The following CCDC198 variants were observed in gnomAD, a reference collection of about 807,000 sequenced individuals.
CCDC198 encodes the protein factor associated with metabolism and energy.
In CCDC198, 18 loss-of-function variants were observed where a neutral mutation model predicts 35.6. That is an observed-to-expected ratio of 0.51 (90% CI 0.35 to 0.75). The LOEUF is 0.75. CCDC198 is among the 30% of genes least tolerant of loss of function. The pLI is 0.01. For synonymous variants in CCDC198, 119 were observed against 113.4 expected (o/e 1.05, Z -0.31); for missense variants, 365 against 343.7 (o/e 1.06, Z -0.49).
rs1470720347 is a variant in CCDC198 at position 57,478,876 on chromosome 14, C to T, written c.655+1719G>A. 33 of 1,151,486 alleles carry T rather than the reference C, an allele frequency of 2.9e-5. No homozygotes were observed. In the Admixed American group the frequency reaches 2.9e-4, roughly 10 times the overall value. 71.3% of individuals were successfully genotyped at this position (1,151,486 alleles called of 1,614,324 possible). On this transcript the variant is annotated intron_variant, in intron 5 of 5. Coordinates refer to ENST00000216445, the MANE Select transcript of CCDC198 (RefSeq NM_018168.4). ...GTGTCTCTTTCAGCAGGCAATTTTG[C>T]GTCTTAGAAGTTCAAGACCTCCAGA...
intron 1 of CCDC198, 34 bp downstream of exon 1, chr14:57,493,459 G>A (rs747749824): frequency 5.1e-5 from 79 of 1,545,118 alleles, no homozygotes; most frequent in Non-Finnish European, 6.8e-5. Flanking sequence ...CCTTGGTCCA[G>A]ATACACACAT....
intron 5 of CCDC198, among the ~76,000 whole-genome samples, chr14:57,479,354 G>T (rs2067108527): frequency 1.3e-5 from 2 of 152,164 alleles, no homozygotes; most frequent in African/African-American, 4.8e-5. Context: ...CTTTTGAGTA[G>T]CTGGGACTAC....
At chr14:57,491,361 A>G (rs2067562261) in intron 1 of CCDC198, among the ~76,000 whole-genome samples, 1 of 152,120 alleles carries the variant, frequency 6.6e-6, no homozygotes, top group Non-Finnish European at 1.5e-5. Flanking sequence ...TTGACTGCAA[A>G]TATTTTTCAA....
intron 2 of CCDC198, among the ~76,000 whole-genome samples, chr14:57,488,639 T>G (rs112445114): frequency 6.6e-6 from 1 of 152,062 alleles, no homozygotes; most frequent in African/African-American, 2.4e-5. Context: ...TGACAAAGGT[T>G]TAATATCCAG....
intron 2 of CCDC198, among the ~76,000 whole-genome samples, chr14:57,490,521 T>C (rs2067526313): frequency 6.6e-6 from 1 of 152,110 alleles, no homozygotes; most frequent in Non-Finnish European, 1.5e-5. Flanking sequence ...TCTGTGAGTC[T>C]TTGGGGGTAG....
chr14:57,471,915 G>A (rs182969736), intron 5 of CCDC198, among the ~76,000 whole-genome samples: 329 of 151,456 alleles, frequency 2.2e-3, no homozygotes, highest in African/African-American at 7.0e-3. Context: ...ATCTATCTAT[G>A]CATACTTTTC....
intron 5 of CCDC198, chr14:57,480,342 A>C: frequency 1.0e-6 from 1 of 956,812 alleles, no homozygotes. Context: ...CAAGACTTGC[A>C]ATGAAGCATG....
intron 5 of CCDC198, among the ~76,000 whole-genome samples, chr14:57,479,732 A>G (rs2139496398): frequency 6.6e-6 from 1 of 152,302 alleles, no homozygotes; most frequent in African/African-American, 2.4e-5. Flanking sequence ...AATAACCTGG[A>G]GGGGTGGTTA....
chr14:57,482,977 G>T, intron 3 of CCDC198, 88 bp downstream of exon 3: 3 of 1,558,078 alleles, frequency 1.9e-6, no homozygotes, highest in Non-Finnish European at 2.6e-6. Context: ...TGCAGAGAGT[G>T]CATGAAAGGA....
At position 57,480,739 on chromosome 14, in the gene CCDC198, T is replaced by C. The variant is rs1489394903; in HGVS notation, c.511A>G (p.Lys171Glu). Reference protein sequence around the residue: ...RKRQEAQMELKKSLHGEARIN... With the variant: ...RKRQEAQMELEKSLHGEARIN... ...CTTGCCTCTCCATGAAGACTTTTCT[T>C]TAACTCCATTTGGGCCTGAAAATCA... Residue 171 changes from lysine (K) to glutamate (E), a missense_variant, in exon 5 of 6, where the codon AAG becomes GAG. Lys to Glu is a moderately conservative substitution (Grantham distance 56, BLOSUM62 1). Coordinates refer to ENST00000216445, the MANE Select transcript of CCDC198 (RefSeq NM_018168.4). 1.9e-5 allele frequency: 31 copies of C among 1,614,018 alleles called. No homozygotes were observed. Among genetic ancestry groups the C allele is most frequent in the Non-Finnish European group, 2.3e-5 (27 of 1,179,980 alleles).
chr14:57,472,883 G>A (rs1308447853), intron 5 of CCDC198, among the ~76,000 whole-genome samples: 1 of 152,132 alleles, frequency 6.6e-6, no homozygotes, highest in Non-Finnish European at 1.5e-5. Flanking sequence ...CTAGGTCAAA[G>A]CCCAGAGTTT....
At chr14:57,484,987 A>G (rs1456882988) in intron 2 of CCDC198, among the ~76,000 whole-genome samples, 1 of 152,200 alleles carries the variant, frequency 6.6e-6, no homozygotes, top group East Asian at 1.9e-4. Flanking sequence ...AACAAGATTC[A>G]TTATGGTTAG....
intron 2 of CCDC198, among the ~76,000 whole-genome samples, chr14:57,486,351 G>T (rs1443185312): frequency 6.6e-6 from 1 of 152,112 alleles, no homozygotes; most frequent in Non-Finnish European, 1.5e-5. Flanking sequence ...CTTGTCCAAG[G>T]TTGAACAGCT....
intron 4 of CCDC198, 60 bp downstream of exon 4, chr14:57,481,499 T>C: frequency 8.8e-7 from 1 of 1,142,478 alleles, no homozygotes; most frequent in South Asian, 1.3e-5. Flanking sequence ...TATATTCATG[T>C]GGCAGGGCAG....
chr14:57,488,462 C>T (rs1039572979), intron 2 of CCDC198, among the ~76,000 whole-genome samples: 6 of 152,196 alleles, frequency 3.9e-5, no homozygotes, highest in African/African-American at 1.4e-4. Flanking sequence ...CTTTATCCCC[C>T]CTCCAGCAGG....
rs377340475 is a variant in CCDC198, at chr14:57,480,692, C to T, written c.558G>A (p.Arg186=). 6.2e-7 allele frequency: 1 copy of T among 1,613,954 alleles called. No homozygotes were observed. The highest frequency in any genetic ancestry group is 8.5e-7 in the Non-Finnish European group (1 of 1,179,964). ...GAAGGGTTTTCTTGGCTTTATGGTC[C>T]CTTGGACTTTGCTTATTAATTCTTG... ...GEARINKQSP[R]DHKAKKTLQS... Residue 186 remains arginine (R), a synonymous_variant, in exon 5 of 6, where the codon AGG becomes AGA. Transcript: ENST00000216445.
At chr14:57,483,272 C>T (rs1426249245) in intron 2 of CCDC198, 121 bp from the exon 3 acceptor site, 8 of 1,442,076 alleles carry the variant, frequency 5.5e-6, no homozygotes, top group Non-Finnish European at 6.6e-6. Context: ...TGAGAGCATA[C>T]AGGAAAGGTG....
chr14:57,482,113 T>A (rs892246859), intron 3 of CCDC198, among the ~76,000 whole-genome samples: 1 of 152,110 alleles, frequency 6.6e-6, no homozygotes, highest in Non-Finnish European at 1.5e-5. Flanking sequence ...TTCTATAGAG[T>A]GCATTTCCAT....
Position 57,480,718 on chromosome 14 carries a change from C to T in CCDC198, c.532G>A (p.Ala178Thr). 6.2e-7 allele frequency: 1 copy of T among 1,614,022 alleles called. No individual in the cohort carries two copies. The highest frequency in any genetic ancestry group is 8.5e-7 in the Non-Finnish European group (1 of 1,179,980). Residue 178 changes from alanine (A) to threonine (T), a missense_variant, in exon 5 of 6, where the codon GCA becomes ACA. By Grantham distance (58) the Ala-to-Thr change is moderately conservative. Coordinates refer to ENST00000216445, the MANE Select transcript of CCDC198 (RefSeq NM_018168.4). Reference protein sequence around the residue: ...MELKKSLHGEARINKQSPRDH... With the variant: ...MELKKSLHGETRINKQSPRDH... Reference sequence around the variant, plus strand: ...CTTGGACTTTGCTTATTAATTCTTGCCTCTCCATGAAGACTTTTCTTTAAC... The same window carrying T: ...CTTGGACTTTGCTTATTAATTCTTGTCTCTCCATGAAGACTTTTCTTTAAC...
Sources: allele counts gnomAD v4.1 joint callset (sites outside exome capture counted in the v4.1 genomes callset), GRCh38; gene constraint gnomAD v4.1.1; transcripts MANE v1.5; gene names NCBI Gene and HGNC (gene_info 2026-07-23, HGNC 2026-07-21).